SLC7A8: variants seen among roughly 807,000 people sequenced by gnomAD.
The protein encoded by SLC7A8 is solute carrier family 7 member 8, also known as large neutral amino acids transporter small subunit 2.
A neutral mutation model predicts 51.2 loss-of-function variants in SLC7A8; 30 were observed. That is an observed-to-expected ratio of 0.59 (90% confidence interval 0.44 to 0.80). SLC7A8 has a LOEUF of 0.80. Among genes scored for constraint, SLC7A8 ranks in the 30% least tolerant of loss-of-function variants. The pLI, the probability that SLC7A8 is intolerant of heterozygous loss-of-function variation, is 0.00. For missense variants in SLC7A8, 612 were observed against 674.4 expected, an observed-to-expected ratio of 0.91 and a Z score of 1.03; for synonymous variants, 257 against 275.8, an observed-to-expected ratio of 0.93 and a Z score of 0.67.
At position 23,144,103 on chromosome 14, in the gene SLC7A8, T is replaced by G. The variant is rs571129937; in HGVS notation, c.509-899A>C. Among the ~76,000 whole-genome samples the G allele has an allele frequency of 2.6e-5, 4 of 152,308 alleles. No homozygotes were observed. The East Asian group carries it at 7.7e-4, about 29-fold the overall frequency. ...TATGAATAGAGTTGTGATAAATACT[T>G]GTGTAGATGTCTTTTTTCTTTTTGT... On this transcript the variant is annotated intron_variant, in intron 3 of 10. Coordinates refer to ENST00000316902, the MANE Select transcript of SLC7A8 (RefSeq NM_012244.4).
chr14:23,181,547 T>A (rs1362125572), intron 1 of SLC7A8, among the ~76,000 whole-genome samples: 1 of 152,186 alleles, frequency 6.6e-6, no homozygotes, highest in Admixed American at 6.5e-5. Context: ...AATACTGCAC[T>A]GATTTTATTT....
chr14:23,130,382 T>G (rs1409224003), intron 8 of SLC7A8, among the ~76,000 whole-genome samples: 2 of 152,250 alleles, frequency 1.3e-5, no homozygotes, highest in African/African-American at 4.8e-5. Flanking sequence ...TGAGGTTTTC[T>G]TGACAGAGTC....
In SLC7A8 at chr14:23,183,059, A is replaced by T. The variant is rs2140345529; in HGVS notation, c.-145T>A. ...ACTCTCTAAAAAAGGCAAGCAGATA[A>T]AAGAGAACACGAAAAATATTCCTAC... On this transcript the variant is annotated 5_prime_UTR_variant, in exon 1 of 11. Coordinates refer to ENST00000316902, the MANE Select transcript of SLC7A8 (RefSeq NM_012244.4). 1 of 931,432 alleles carries T rather than the reference A, an allele frequency of 1.1e-6. No homozygotes were observed. Among genetic ancestry groups the T allele is most frequent in the South Asian group, 1.7e-5 (1 of 57,802 alleles). 57.7% of individuals were successfully genotyped at this position (931,432 alleles called of 1,614,324 possible).
At chr14:23,160,299 G>A (rs2048914432) in intron 3 of SLC7A8, among the ~76,000 whole-genome samples, 1 of 152,108 alleles carries the variant, frequency 6.6e-6, no homozygotes, top group Non-Finnish European at 1.5e-5. Flanking sequence ...GGCCGGGTGG[G>A]GGTGGCTCAC....
chr14:23,147,438 T>C (rs954214252), intron 3 of SLC7A8, among the ~76,000 whole-genome samples: 18 of 152,206 alleles, frequency 1.2e-4, no homozygotes, highest in Non-Finnish European at 1.5e-4. Flanking sequence ...CTAGTGGGCA[T>C]CTATGAGGAA....
chr14:23,174,097 A>G (rs972988506), intron 1 of SLC7A8, among the ~76,000 whole-genome samples: 3 of 152,222 alleles, frequency 2.0e-5, no homozygotes, highest in Non-Finnish European at 2.9e-5. Flanking sequence ...GGTTCCTCCC[A>G]GTCTATGGCA....
chr14:23,181,404 G>A (rs981941608), intron 1 of SLC7A8, among the ~76,000 whole-genome samples: 5 of 144,154 alleles, frequency 3.5e-5, no homozygotes, highest in African/African-American at 1.0e-4. Flanking sequence ...CCAGAGTCAG[G>A]GAATCACATA....
At chr14:23,143,054 T>C (rs2140314966) in intron 4 of SLC7A8, 25 bp downstream of exon 4, 1 of 1,612,780 alleles carries the variant, frequency 6.2e-7, no homozygotes, top group South Asian at 1.1e-5. Flanking sequence ...AGCTGGGCAG[T>C]ACCTGTTTTT....
chr14:23,161,997 T>G (rs1433670128), intron 3 of SLC7A8, among the ~76,000 whole-genome samples: 1 of 141,132 alleles, frequency 7.1e-6, no homozygotes, highest in Admixed American at 7.3e-5. Flanking sequence ...GAATACCGTA[T>G]GAGAGGATTG....
Position 23,138,037 on chromosome 14 carries a change from C to T in SLC7A8, c.913-13G>A. ...TCTCTCCAAAAGTCTGGGAGAGGAA[C>T]CAAGGAGATAAGCAAAGGAGAGGTC... On this transcript the variant is annotated splice_polypyrimidine_tract_variant and intron_variant, in intron 6 of 10. Coordinates refer to ENST00000316902, the MANE Select transcript of SLC7A8 (RefSeq NM_012244.4). 1.9e-6 allele frequency: 3 copies of T among 1,613,306 alleles called. No individual in the cohort carries two copies. Among genetic ancestry groups the T allele is most frequent in the South Asian group, 1.1e-5 (1 of 91,066 alleles).
intron 6 of SLC7A8, among the ~76,000 whole-genome samples, chr14:23,138,431 G>C (rs2048711418): frequency 1.3e-5 from 2 of 152,176 alleles, no homozygotes; most frequent in African/African-American, 2.4e-5. Flanking sequence ...AAGGGCACAG[G>C]CTTGTCAGGC....
intron 7 of SLC7A8, among the ~76,000 whole-genome samples, chr14:23,131,864 G>A (rs2073305): frequency 0.12 from 18,191 of 152,244 alleles, 1,322 homozygotes; most frequent in East Asian, 0.41. Flanking sequence ...CCAATGCCTG[G>A]AAGGCTGCAG....
At chr14:23,137,720 G>A (rs1388545109) in intron 7 of SLC7A8, among the ~76,000 whole-genome samples, 1 of 152,026 alleles carries the variant, frequency 6.6e-6, no homozygotes, top group African/African-American at 2.4e-5. Flanking sequence ...CACACACATC[G>A]CAGGTGACCA....
intron 3 of SLC7A8, chr14:23,154,410 G>A (rs903606264): frequency 7.0e-6 from 7 of 994,534 alleles, no homozygotes; most frequent in Non-Finnish European, 8.4e-6. Context: ...TGGAGCCGCT[G>A]GGCAGGGAAG....
intron 7 of SLC7A8, among the ~76,000 whole-genome samples, chr14:23,133,509 C>T (rs1419421117): frequency 6.7e-6 from 1 of 149,896 alleles, no homozygotes; most frequent in Non-Finnish European, 1.5e-5. Flanking sequence ...AGTAAGAGGT[C>T]GATAAAATGA....
Position 23,165,431 on chromosome 14 carries a change from A to G in SLC7A8, c.362T>C (p.Leu121Pro), listed in dbSNP as rs761399022. 6.3e-7 allele frequency: 1 copy of G among 1,583,610 alleles called. No individual in the cohort carries two copies. The highest frequency in any genetic ancestry group is 8.6e-7 in the Non-Finnish European group (1 of 1,168,004). The stretch of plus-strand genomic sequence containing the variant: ...CACCAGCACAGCAATCCACAGCCTC[A>G]GGAACCTGAAGGAGGAAAGGGACAT... ...KDIFGGLAGF[L>P]RLWIAVLVIY... Residue 121 changes from leucine to proline, a missense_variant, in exon 3 of 11, where the codon CTG becomes CCG. Transcript: ENST00000316902. This position sits in a 1 kb window ranked among gnomAD's most constrained non-coding sequence, Gnocchi z 4.2.
chr14:23,182,665 A>G (rs1257841343), intron 1 of SLC7A8, 99 bp downstream of exon 1: 4 of 1,332,148 alleles, frequency 3.0e-6, no homozygotes, highest in African/African-American at 1.5e-5. Flanking sequence ...ATCCTTTTCT[A>G]AGGAATAGGA....
intron 3 of SLC7A8, chr14:23,154,283 T>C (rs1386894208): frequency 1.0e-6 from 1 of 1,000,310 alleles, no homozygotes; most frequent in African/African-American, 1.7e-5. Context: ...TTCACTTCTC[T>C]GCCTTCTGCC....
intron 3 of SLC7A8, among the ~76,000 whole-genome samples, chr14:23,146,454 C>G (rs939998132): frequency 3.9e-5 from 6 of 152,216 alleles, no homozygotes; most frequent in African/African-American, 1.2e-4. Context: ...ATGGACCTTA[C>G]TGAGTCACAG....
Sources: gnomAD v4.1 joint callset for allele counts (sites outside exome capture counted in the v4.1 genomes callset) on GRCh38, gnomAD v4.1.1 for gene constraint, Gnocchi (gnomAD v3.1) non-coding constraint, MANE v1.5 for transcripts, NCBI Gene and HGNC (gene_info 2026-07-23, HGNC 2026-07-21) for gene names.